TMBIM6: variants seen among roughly 807,000 people sequenced by gnomAD.
TMBIM6 encodes transmembrane BAX inhibitor motif containing 6.
TMBIM6 carries 13 observed loss-of-function variants against 31.4 expected under a neutral mutation model. That is an observed-to-expected ratio of 0.41 (90% CI 0.27 to 0.66). The LOEUF (loss-of-function observed/expected upper bound fraction) is 0.66. TMBIM6 is among the 30% of genes least tolerant of loss of function. TMBIM6 has a pLI of 0.28. For synonymous variants in TMBIM6, 85 were observed against 101.7 expected, an observed-to-expected ratio of 0.84 and a Z score of 0.99; for missense variants, 275 against 289.5, an observed-to-expected ratio of 0.95 and a Z score of 0.36.
intron 9 of TMBIM6, 146 bp downstream of exon 9, chr12:49,761,925 A>G: frequency 1.4e-6 from 1 of 707,170 alleles, no homozygotes; most frequent in Non-Finnish European, 2.2e-6. Context: ...GGTAAGCCAG[A>G]AGTCTTCAGT....
intron 3 of TMBIM6, among the ~76,000 whole-genome samples, chr12:49,753,404 A>G (rs1456878447): frequency 2.0e-5 from 3 of 152,146 alleles, no homozygotes; most frequent in African/African-American, 2.4e-5. Flanking sequence ...CTTTTCCTCC[A>G]TTCTTCCTTT....
intron 1 of TMBIM6, chr12:49,742,539 A>G: frequency 2.8e-6 from 1 of 361,062 alleles, no homozygotes; most frequent in Non-Finnish European, 5.0e-6. Context: ...TGTTCTAGCA[A>G]CTTGTGAATG....
chr12:49,753,037 G>T lies in TMBIM6; in HGVS notation c.121G>T (p.Ala41Ser). ...YASFALCMFV[A>S]AAGAYVHMVT... Reference sequence around the variant, plus strand: ...AAGTTTTGCCCTTTGTATGTTTGTGGCGGCTGCAGGGGCCTATGTCCATAT... The same window carrying T: ...AAGTTTTGCCCTTTGTATGTTTGTGTCGGCTGCAGGGGCCTATGTCCATAT... The change falls in exon 3 of 10, where the codon GCG (alanine) becomes TCG (serine). Residue 41 changes from alanine to serine, a missense_variant. Ala to Ser is a moderately conservative substitution (Grantham distance 99). Coordinates refer to ENST00000267115, the MANE Select transcript of TMBIM6 (RefSeq NM_003217.3). 6.2e-7 allele frequency: 1 copy of T among 1,614,092 alleles called. No homozygotes were observed.
intron 9 of TMBIM6, chr12:49,761,986 G>C: frequency 3.8e-6 from 2 of 532,678 alleles, no homozygotes; most frequent in South Asian, 2.7e-5. Context: ...ACTAATTCCT[G>C]CGTTTAGTAT....
In TMBIM6 at chr12:49,741,846, CG is replaced by C. The variant is rs1388348735; in HGVS notation, c.-31+240del. The C allele has an allele frequency of 3.1e-5, 13 of 414,272 alleles. No individual in the cohort carries two copies. The East Asian group carries it at 6.0e-4, about 19-fold the overall frequency. 25.7% of individuals were successfully genotyped at this position (414,272 alleles called of 1,614,324 possible). ...CGGGGGTGGGGCGGAGGCGAGTCTG[CG>C]GGGGTTTTGGGGGGTGTCGAGGCCT... On this transcript the variant is annotated intron_variant, in intron 1 of 9. Coordinates refer to ENST00000267115, the MANE Select transcript of TMBIM6 (RefSeq NM_003217.3).
intron 1 of TMBIM6, among the ~76,000 whole-genome samples, chr12:49,751,758 ATT>A (rs58141027): frequency 8.6e-4 from 93 of 108,510 alleles, no homozygotes; most frequent in African/African-American, 2.7e-3. Context: ...TAGTGAGATA[ATT>A]TTTTTTTTTT....
chr12:49,746,756 C>T (rs1160777229), intron 1 of TMBIM6, among the ~76,000 whole-genome samples: 1 of 152,006 alleles, frequency 6.6e-6, no homozygotes, highest in Non-Finnish European at 1.5e-5. Flanking sequence ...GGAAAGCTTT[C>T]TTGGCCAAAA....
intron 2 of TMBIM6, 69 bp from the exon 3 acceptor site, chr12:49,752,904 A>G (rs1469515284): frequency 3.6e-6 from 5 of 1,402,778 alleles, no homozygotes; most frequent in Admixed American, 4.1e-5. Context: ...AAAGAGAGAA[A>G]TGATTCTTCT....
chr12:49,762,913 T>C lies in TMBIM6; in HGVS notation c.*17T>C, dbSNP rs2136967682. On this transcript the variant is annotated 3_prime_UTR_variant, in exon 10 of 10. Coordinates refer to ENST00000267115, the MANE Select transcript of TMBIM6 (RefSeq NM_003217.3). ...AAGAAATGAAGTGACCATCCAGCCT[T>C]TCCCAATTAGACTTCCTCTCCTTCC... 6.2e-7 allele frequency: 1 copy of C among 1,611,542 alleles called. No homozygotes were observed. The highest frequency in any genetic ancestry group is 8.5e-7 in the Non-Finnish European group (1 of 1,177,882).
Position 49,762,951 on chromosome 12 carries a change from C to G in TMBIM6, c.*55C>G, listed in dbSNP as rs1945748719. On this transcript the variant is annotated 3_prime_UTR_variant, in exon 10 of 10. Transcript: ENST00000267115. ...TTCCTCTCCTTCCACCCCTCATTTC[C>G]TTTTTGCACACATTACAGGTGGTGT... 3.2e-6 allele frequency: 5 copies of G among 1,579,680 alleles called. No homozygotes were observed. In the South Asian group the frequency reaches 5.5e-5, roughly 18 times the overall value.
intron 1 of TMBIM6, chr12:49,742,547 A>AT (rs909120520): frequency 1.2e-5 from 4 of 342,366 alleles, no homozygotes; most frequent in Non-Finnish European, 5.3e-6. Context: ...CAACTTGTGA[A>AT]TGTGTAACCC....
intron 4 of TMBIM6, among the ~76,000 whole-genome samples, chr12:49,756,742 GTT>G (rs567805408): frequency 8.0e-6 from 1 of 125,236 alleles, no homozygotes. Flanking sequence ...TTGTTTTTTT[GTT>G]TTTTTTTTTG....
intron 1 of TMBIM6, chr12:49,744,658 A>T (rs1039555072): frequency 6.6e-6 from 1 of 152,216 alleles, no homozygotes; most frequent in Non-Finnish European, 1.5e-5. Context: ...TCTTGGGGAT[A>T]GCTGAGCTGA....
chr12:49,758,738 C>G lies in TMBIM6; in HGVS notation c.489C>G (p.Phe163Leu). ...TTTTGTCTTCCCTGGGGAATGTTTT[C>G]TTTGGATCCATTTGGCTTTTCCAGG... is the stretch of plus-strand genomic sequence containing the variant. The part of the protein sequence containing the change: ...LLLLSSLGNV[F>L]FGSIWLFQAN... The change falls in exon 7 of 10, where the codon TTC (phenylalanine) becomes TTG (leucine). Residue 163 changes from phenylalanine (F) to leucine (L), a missense_variant. Physicochemically the swap from Phe to Leu is conservative, Grantham distance 22. Coordinates refer to ENST00000267115, the MANE Select transcript of TMBIM6 (RefSeq NM_003217.3). The G allele has an allele frequency of 6.2e-7, 1 of 1,613,152 alleles. No individual in the cohort carries two copies.
At chr12:49,758,079 C>A in intron 4 of TMBIM6, 148 bp from the exon 5 acceptor site, 6 of 801,230 alleles carry the variant, frequency 7.5e-6, no homozygotes, top group Admixed American at 2.6e-5. Flanking sequence ...TTATTGAAAA[C>A]AATTACAGCG....
At chr12:49,756,126 C>T (rs1368866646) in intron 4 of TMBIM6, among the ~76,000 whole-genome samples, 2 of 151,766 alleles carry the variant, frequency 1.3e-5, no homozygotes, top group African/African-American at 4.8e-5. Context: ...AGCCACCGTG[C>T]CTGGCCCTTT....
At chr12:49,743,217 GATTT>G (rs1353342617) in intron 1 of TMBIM6, among the ~76,000 whole-genome samples, 1 of 150,592 alleles carries the variant, frequency 6.6e-6, no homozygotes, top group South Asian at 2.1e-4. Context: ...GAACTCAAGC[GATTT>G]ATTTATTTAT....
At chr12:49,755,030 T>A (rs1338126881) in intron 3 of TMBIM6, among the ~76,000 whole-genome samples, 2 of 152,144 alleles carry the variant, frequency 1.3e-5, no homozygotes, top group Non-Finnish European at 1.5e-5. Context: ...GATCTTGGCT[T>A]ACTGCAACCT....
At chr12:49,749,435 A>ATTTTTTTTTTTTTTTTT (rs372622355) in intron 1 of TMBIM6, among the ~76,000 whole-genome samples, 1 of 136,388 alleles carries the variant, frequency 7.3e-6, no homozygotes. Context: ...TTTGTAAGTC[A>ATTTTTTTTTTTTTTTTT]TTTTTGTTTT....
Sources: gnomAD v4.1 joint callset for allele counts (sites outside exome capture counted in the v4.1 genomes callset) on GRCh38, gnomAD v4.1.1 for gene constraint, MANE v1.5 for transcripts, NCBI Gene and HGNC (gene_info 2026-07-23, HGNC 2026-07-21) for gene names.